The following B4GALT4 variants were observed in gnomAD, a reference collection of about 807,000 sequenced individuals.
The protein encoded by B4GALT4 is N-acetyllactosamine synthase.
Under a neutral mutation model 37.3 loss-of-function variants are expected in B4GALT4, and 27 were observed. The observed-to-expected ratio is 0.72, with a 90% CI of 0.53 to 1.00. The LOEUF (loss-of-function observed/expected upper bound fraction) is 1.00, where lower values mean the gene tolerates loss of function less well. Among genes scored for constraint, B4GALT4 ranks in the 50% least tolerant of loss-of-function variants. The pLI is 0.00. For synonymous variants in B4GALT4, 148 were observed against 154.1 expected, an observed-to-expected ratio of 0.96 and a Z score of 0.29; for missense variants, 372 against 413.1, an observed-to-expected ratio of 0.90 and a Z score of 0.86.
In B4GALT4 at chr3:119,218,760, A is replaced by C. The variant is rs376308286; in HGVS notation, c.687T>G (p.Ser229Arg). ...RNSTGYRLRY[S>R]GYFGGVTALS... ...GGGCAGTAACACCCCCAAAATATCC[A>C]CTGTAACGTAACCTGGAGCAAAAGA... The change falls in exon 6 of 8, where the codon AGT becomes AGG. Residue 229 changes from serine to arginine, a missense_variant. Ser to Arg is a moderately radical substitution (Grantham distance 110). Coordinates refer to ENST00000393765, the MANE Select transcript of B4GALT4 (RefSeq NM_003778.4). The C allele has an allele frequency of 8.1e-6, 13 of 1,613,856 alleles. No homozygotes were observed. Among genetic ancestry groups the C allele is most frequent in the Non-Finnish European group, 1.1e-5 (13 of 1,179,976 alleles).
In B4GALT4 at chr3:119,227,030, T is replaced by C; in HGVS notation, c.265A>G (p.Lys89Glu). 8 of 1,614,110 alleles carry C rather than the reference T, an allele frequency of 5.0e-6. No individual in the cohort carries two copies. Among genetic ancestry groups the C allele is most frequent in the African/African-American group, 1.3e-5 (1 of 75,036 alleles). ...GTGAGATCTGGTTTGAAAATGAGCT[T>C]GCTCTGGCCTCCTACAATGAACATA... ...SVSPYLRGQSKLIFKPDLTLE... is the reference protein window; with the variant it reads ...SVSPYLRGQSELIFKPDLTLE... Residue 89 changes from lysine (K) to glutamate (E), a missense_variant, in exon 4 of 8, where the codon AAG becomes GAG. By Grantham distance (56) the Lys-to-Glu change is moderately conservative. Coordinates refer to ENST00000393765, the MANE Select transcript of B4GALT4 (RefSeq NM_003778.4).
intron 3 of B4GALT4, among the ~76,000 whole-genome samples, chr3:119,229,224 A>T (rs1435474101): frequency 1.3e-5 from 2 of 152,176 alleles, no homozygotes; most frequent in Non-Finnish European, 2.9e-5. Flanking sequence ...CATGAGGAGA[A>T]CATACCCAGG....
chr3:119,216,431 C>T (rs34867718), intron 6 of B4GALT4, 87 bp from the exon 7 acceptor site: 76,134 of 511,156 alleles, frequency 0.15, 4,089 homozygotes, highest in East Asian at 0.25. Context: ...AAAATTTATA[C>T]ACACACACGC....
intron 2 of B4GALT4, among the ~76,000 whole-genome samples, chr3:119,232,078 TCAG>T (rs1442389721): frequency 6.6e-6 from 1 of 152,082 alleles, no homozygotes; most frequent in Non-Finnish European, 1.5e-5. Flanking sequence ...AAATTTAGTT[TCAG>T]GTTAGTTTGA....
chr3:119,228,888 C>T (rs1048196961), intron 3 of B4GALT4, among the ~76,000 whole-genome samples: 12 of 152,168 alleles, frequency 7.9e-5, no homozygotes, highest in African/African-American at 2.7e-4. Context: ...CTCTCTTTCC[C>T]TTTCCCCCTG....
Position 119,218,788 on chromosome 3 carries a change from T to C in B4GALT4, c.675-16A>G, listed in dbSNP as rs759396407. On this transcript the variant is annotated splice_polypyrimidine_tract_variant and intron_variant, in intron 5 of 7. Coordinates refer to ENST00000393765, the MANE Select transcript of B4GALT4 (RefSeq NM_003778.4). ...GTAACGTAACCTGGAGCAAAAGAGA[T>C]GAGAGAAATGGTAAGAATATTCGCA... is the stretch of plus-strand genomic sequence containing the variant. 5.6e-6 allele frequency: 9 copies of C among 1,613,862 alleles called. No homozygotes were observed. The highest frequency in any genetic ancestry group is 3.3e-5 in the South Asian group (3 of 91,032).
At chr3:119,234,056 A>C (rs2078906502) in intron 2 of B4GALT4, among the ~76,000 whole-genome samples, 1 of 152,246 alleles carries the variant, frequency 6.6e-6, no homozygotes, top group Admixed American at 6.5e-5. Flanking sequence ...TTGCTCTAGG[A>C]ATTTAATGAG....
At chr3:119,213,791 ATAAT>A (rs2078221541) in intron 7 of B4GALT4, 1 of 152,262 alleles carries the variant, frequency 6.6e-6, no homozygotes, top group South Asian at 2.1e-4. Context: ...TATCTACTCA[ATAAT>A]TAATTTTTTT....
chr3:119,224,152 C>T lies in B4GALT4; in HGVS notation c.580G>A (p.Asp194Asn), dbSNP rs1291957307. 2 of 1,614,054 alleles carry T rather than the reference C, an allele frequency of 1.2e-6. No homozygotes were observed. The highest frequency in any genetic ancestry group is 1.3e-5 in the African/African-American group (1 of 75,036). ...TCATTCTCGGGTACCAGGTCCACAT[C>T]GTGGAATATAAAGCAGTCCCAATTT... Reference protein sequence around the residue: ...EENWDCFIFHDVDLVPENDFN... With the variant: ...EENWDCFIFHNVDLVPENDFN... The change falls in exon 5 of 8, where the codon GAT (aspartate) becomes AAT (asparagine). Residue 194 changes from aspartate to asparagine, a missense_variant. Transcript: ENST00000393765.
intron 4 of B4GALT4, 55 bp downstream of exon 4, chr3:119,226,754 G>A (rs1466802023): frequency 1.4e-6 from 2 of 1,479,186 alleles, no homozygotes; most frequent in East Asian, 2.3e-5. Flanking sequence ...ACATGGCCAA[G>A]TCTGGCAGAG....
Position 119,218,699 on chromosome 3 carries a change from A to G in B4GALT4, c.748T>C (p.Ser250Pro), listed in dbSNP as rs780534611. ...REQFFKVNGF[S>P]NNYWGWGGED... The stretch of plus-strand genomic sequence containing the variant: ...CCTCCCCATCCCCAGTAGTTGTTAG[A>G]GAATCCATTCACCTTGAAAAACTGC... Residue 250 changes from serine to proline, a missense_variant, in exon 6 of 8, where the codon TCT (serine) becomes CCT (proline). By Grantham distance (74) the Ser-to-Pro change is moderately conservative (BLOSUM62 -1). Transcript: ENST00000393765. 1 of 1,614,224 alleles carries G rather than the reference A, an allele frequency of 6.2e-7. No individual in the cohort carries two copies. The highest frequency in any genetic ancestry group is 8.5e-7 in the Non-Finnish European group (1 of 1,180,036).
At chr3:119,214,829 C>T (rs1205162694) in intron 7 of B4GALT4, 3 of 152,158 alleles carry the variant, frequency 2.0e-5, no homozygotes, top group Non-Finnish European at 2.9e-5. Flanking sequence ...AGAAATCAAG[C>T]ATCAATGACT....
chr3:119,216,288 G>A lies in B4GALT4; in HGVS notation c.854C>T (p.Thr285Ile), dbSNP rs767401830. The A allele has an allele frequency of 2.5e-6, 4 of 1,613,678 alleles. No individual in the cohort carries two copies. The highest frequency in any genetic ancestry group is 3.4e-6 in the Non-Finnish European group (4 of 1,179,832). ...SRPLPEVGKY[T>I]MVFHTRDKGN... ...TTTGTCTCTAGTGTGGAAGACCATT[G>A]TATATTTACCCACTTCAGGCAGGGG... is the stretch of plus-strand genomic sequence containing the variant. The change falls in exon 7 of 8, where the codon ACA (threonine) becomes ATA (isoleucine). Residue 285 changes from threonine to isoleucine, a missense_variant. By Grantham distance (89) the Thr-to-Ile change is moderately conservative. Coordinates refer to ENST00000393765, the MANE Select transcript of B4GALT4 (RefSeq NM_003778.4).
chr3:119,221,896 T>C (rs2078460769), intron 5 of B4GALT4, among the ~76,000 whole-genome samples: 1 of 152,162 alleles, frequency 6.6e-6, no homozygotes, highest in African/African-American at 2.4e-5. Context: ...CCAGTTAGAA[T>C]GGCAAGTTAG....
At chr3:119,237,336 T>C (rs1319868622) in intron 1 of B4GALT4, among the ~76,000 whole-genome samples, 1 of 152,242 alleles carries the variant, frequency 6.6e-6, no homozygotes, top group Non-Finnish European at 1.5e-5. Context: ...CACAAAGAGC[T>C]GAGTTCAAAT....
chr3:119,220,967 C>T (rs897874454), intron 5 of B4GALT4, among the ~76,000 whole-genome samples: 18 of 147,024 alleles, frequency 1.2e-4, no homozygotes, highest in African/African-American at 4.3e-4. Context: ...GCCTGGGCAA[C>T]AGAGTGAGAC....
intron 1 of B4GALT4, chr3:119,240,012 A>G (rs2079101766): frequency 1.5e-5 from 2 of 137,838 alleles, no homozygotes; most frequent in South Asian, 4.5e-4. Context: ...AAAAAAAAAA[A>G]AGCCACAACT....
chr3:119,212,447 G>A lies in B4GALT4; in HGVS notation c.*102C>T. The A allele has an allele frequency of 1.7e-6, 2 of 1,200,808 alleles. No individual in the cohort carries two copies. Among genetic ancestry groups the A allele is most frequent in the Non-Finnish European group, 2.3e-6 (2 of 854,462 alleles). The allele number at this position is 1,200,808 out of a possible 1,614,324, so 74.4% of individuals were successfully genotyped here. ...AAGGAAAAATTCAGCTCAACAATGA[G>A]CTGTAACAGGTTCTTAATGTGTGCT... On this transcript the variant is annotated 3_prime_UTR_variant, in exon 8 of 8. Transcript: ENST00000393765.
intron 1 of B4GALT4, 55 bp downstream of exon 1, chr3:119,240,795 C>G (rs931908222): frequency 6.6e-6 from 1 of 152,354 alleles, no homozygotes; most frequent in African/African-American, 2.4e-5. Flanking sequence ...CCTCGCACGG[C>G]GCCCGTGTCC....
Sources: allele counts gnomAD v4.1 joint callset (sites outside exome capture counted in the v4.1 genomes callset), GRCh38; gene constraint gnomAD v4.1.1; transcripts MANE v1.5; gene names NCBI Gene and HGNC (gene_info 2026-07-23, HGNC 2026-07-21).